PRR11: variants seen among roughly 807,000 people sequenced by gnomAD.
PRR11 encodes the protein proline-rich protein 11.
PRR11 carries 30 observed loss-of-function variants against 45.6 expected under a neutral mutation model. The ratio of observed to expected loss-of-function variants is 0.66; its 90% CI spans 0.49 to 0.89. PRR11 has a LOEUF of 0.89. PRR11 is among the 40% of genes least tolerant of loss of function. The probability of loss-of-function intolerance (pLI) is 0.00; values close to 1 mark genes in which losing one functional copy is unlikely to be tolerated. For synonymous variants in PRR11, 128 were observed against 153.5 expected, an observed-to-expected ratio of 0.83 and a Z score of 1.23; for missense variants, 373 against 424.8, an observed-to-expected ratio of 0.88 and a Z score of 1.07.
intron 9 of PRR11, 115 bp downstream of exon 9, chr17:59,197,904 G>C: frequency 1.2e-6 from 1 of 865,592 alleles, no homozygotes; most frequent in South Asian, 1.6e-5. Flanking sequence ...GAGATTGCTT[G>C]AGCCTAGCAG....
chr17:59,173,953 G>T (rs1003341944), intron 2 of PRR11, among the ~76,000 whole-genome samples: 5 of 152,334 alleles, frequency 3.3e-5, no homozygotes, highest in African/African-American at 1.2e-4. Flanking sequence ...CTTAAAGGAG[G>T]CGGCTCTCTA....
intron 1 of PRR11, among the ~76,000 whole-genome samples, chr17:59,164,192 G>C (rs927045089): frequency 6.6e-6 from 1 of 152,198 alleles, no homozygotes; most frequent in Non-Finnish European, 1.5e-5. Flanking sequence ...TGGCAGGGTT[G>C]AGCAGTTGCA....
chr17:59,185,336 C>T, intron 3 of PRR11, 104 bp from the exon 4 acceptor site: 13 of 1,518,264 alleles, frequency 8.6e-6, no homozygotes, highest in Non-Finnish European at 1.2e-5. Context: ...GTCAAGTCTG[C>T]CTTTGCTTCT....
intron 2 of PRR11, among the ~76,000 whole-genome samples, chr17:59,178,861 AC>A (rs1404811750): frequency 6.6e-6 from 1 of 152,216 alleles, no homozygotes; most frequent in Admixed American, 6.5e-5. Flanking sequence ...TGAGACAGTC[AC>A]ATCAGGGTGT....
intron 4 of PRR11, among the ~76,000 whole-genome samples, chr17:59,192,273 G>A (rs983931950): frequency 6.6e-6 from 1 of 152,090 alleles, no homozygotes; most frequent in African/African-American, 2.4e-5. Context: ...GCAAGGAACC[G>A]ATTCTTCCCC....
chr17:59,166,012 G>T lies in PRR11; in HGVS notation c.-5-3736G>T, dbSNP rs141653823. Among the ~76,000 whole-genome samples, 94 of 152,270 alleles carry T rather than the reference G, an allele frequency of 6.2e-4. 2 individuals carry two copies. Among genetic ancestry groups the T allele is most frequent in the African/African-American group, 2.2e-3 (90 of 41,566 alleles). Reference sequence around the variant, plus strand: ...GACCTGATAGTTAGTCCAATTAGATGTTATCAGGAATCTATTTCTAGAAGG... The same window carrying T: ...GACCTGATAGTTAGTCCAATTAGATTTTATCAGGAATCTATTTCTAGAAGG... On this transcript the variant is annotated intron_variant, in intron 1 of 9. Transcript: ENST00000262293.
rs939472919 is a variant in PRR11, at chr17:59,204,470, G to T, written c.*2839G>T. 3 of 151,346 alleles carry T rather than the reference G, an allele frequency of 2.0e-5. No homozygotes were observed. The highest frequency in any genetic ancestry group is 7.3e-5 in the African/African-American group (3 of 41,012). The allele number at this position is 151,346 out of a possible 1,614,324, so 9.4% of individuals were successfully genotyped here. Reference sequence around the variant, plus strand: ...TAATCCCAGCACTTTGGGAGGCTGAGGCGGGCAAAACACTTGAGGTCAGAC... The same window carrying T: ...TAATCCCAGCACTTTGGGAGGCTGATGCGGGCAAAACACTTGAGGTCAGAC... On this transcript the variant is annotated 3_prime_UTR_variant, in exon 10 of 10. Transcript: ENST00000262293.
chr17:59,157,611 A>T (rs914875681), intron 1 of PRR11, among the ~76,000 whole-genome samples: 2 of 152,072 alleles, frequency 1.3e-5, no homozygotes, highest in Non-Finnish European at 2.9e-5. Flanking sequence ...CTGAAGCAGG[A>T]TAATCGCTTG....
At chr17:59,194,311 A>C (rs1470115851) in intron 5 of PRR11, among the ~76,000 whole-genome samples, 1 of 151,574 alleles carries the variant, frequency 6.6e-6, no homozygotes, top group African/African-American at 2.4e-5. Context: ...ACACAAAACA[A>C]AACCTGGAGC....
chr17:59,194,937 A>T (rs1289525434), intron 6 of PRR11, 82 bp downstream of exon 6: 9 of 1,140,134 alleles, frequency 7.9e-6, no homozygotes, highest in Non-Finnish European at 1.3e-6. Flanking sequence ...ACTTTGGGAG[A>T]CCAAGGTGGG....
chr17:59,202,954 A>T lies in PRR11; in HGVS notation c.*1323A>T, dbSNP rs1018908859. ...GAAGCTGAGGTGGGAGGATCACTTG[A>T]GCCCAAGAGTTTGAAGCTATGGTGA... On this transcript the variant is annotated 3_prime_UTR_variant, in exon 10 of 10. Transcript: ENST00000262293. 1 of 152,188 alleles carries T rather than the reference A, an allele frequency of 6.6e-6. No individual in the cohort carries two copies. The highest frequency in any genetic ancestry group is 2.4e-5 in the African/African-American group (1 of 41,452). 9.4% of individuals were successfully genotyped at this position (152,188 alleles called of 1,614,324 possible). A position where few individuals can be genotyped will look rare whatever the true frequency, so the allele number is the denominator to read the frequency against.
intron 1 of PRR11, among the ~76,000 whole-genome samples, chr17:59,159,325 A>G (rs2046640757): frequency 6.6e-6 from 1 of 151,876 alleles, no homozygotes; most frequent in Admixed American, 6.6e-5. Flanking sequence ...TAGTGTTGTT[A>G]TTTTCTCAAG....
chr17:59,162,405 G>C (rs2046658012), intron 1 of PRR11, among the ~76,000 whole-genome samples: 1 of 152,112 alleles, frequency 6.6e-6, no homozygotes, highest in South Asian at 2.1e-4. Context: ...GGACTAGAAA[G>C]AAATGGCCCT....
intron 1 of PRR11, among the ~76,000 whole-genome samples, chr17:59,156,588 C>T (rs2046625294): frequency 6.6e-6 from 1 of 151,638 alleles, no homozygotes; most frequent in Non-Finnish European, 1.5e-5. Flanking sequence ...TGAAATGCAA[C>T]AGTCATTTCC....
chr17:59,175,128 C>T, intron 2 of PRR11: 1 of 559,440 alleles, frequency 1.8e-6, no homozygotes, highest in South Asian at 1.7e-5. Flanking sequence ...GGCCAGGTAG[C>T]TGGGGACAGA....
chr17:59,194,694 G>A, intron 5 of PRR11, 63 bp from the exon 6 acceptor site: 3 of 1,289,602 alleles, frequency 2.3e-6, no homozygotes, highest in Non-Finnish European at 3.3e-6. Context: ...ACTAGATTTG[G>A]ATTTGCATTT....
intron 1 of PRR11, 92 bp downstream of exon 1, chr17:59,155,897 G>A (rs1389935187): frequency 6.6e-6 from 1 of 152,516 alleles, no homozygotes; most frequent in Non-Finnish European, 1.5e-5. Context: ...GTTTAGGGAG[G>A]TGGGGACTTT....
At chr17:59,193,824 C>A in intron 5 of PRR11, 90 bp downstream of exon 5, 2 of 1,404,408 alleles carry the variant, frequency 1.4e-6, no homozygotes, top group South Asian at 1.3e-5. Flanking sequence ...TAAGGCCAGG[C>A]TAATCAGGGC....
intron 2 of PRR11, among the ~76,000 whole-genome samples, chr17:59,170,516 C>G (rs1416690649): frequency 6.6e-6 from 1 of 152,032 alleles, no homozygotes; most frequent in Non-Finnish European, 1.5e-5. Flanking sequence ...GATCTTCCCA[C>G]TCTGTCTCCA....
Sources: gnomAD v4.1 joint callset for allele counts (sites outside exome capture counted in the v4.1 genomes callset) on GRCh38, gnomAD v4.1.1 for gene constraint, MANE v1.5 for transcripts, NCBI Gene and HGNC (gene_info 2026-07-23, HGNC 2026-07-21) for gene names.